COL19A1: variants seen among roughly 807,000 people sequenced by gnomAD.
COL19A1 encodes collagen alpha-1(XIX) chain.
A neutral mutation model predicts 190.2 loss-of-function variants in COL19A1; 159 were observed. That is an observed-to-expected ratio of 0.84 (90% CI 0.73 to 0.95). The LOEUF is 0.95. Ranked by LOEUF, COL19A1 falls within the 40% of genes least tolerant of loss-of-function variation. COL19A1 has a pLI of 0.00. For missense variants in COL19A1, 1,418 were observed against 1,431.9 expected, an observed-to-expected ratio of 0.99 and a Z score of 0.16; for synonymous variants, 509 against 458.9, an observed-to-expected ratio of 1.11 and a Z score of -1.39.
At chr6:70,080,934 T>C (rs905296568) in intron 15 of COL19A1, among the ~76,000 whole-genome samples, 9 of 152,202 alleles carry the variant, frequency 5.9e-5, no homozygotes, top group East Asian at 3.8e-4. Context: ...CAAGTGAATG[T>C]GGTGTGTTTC....
intron 48 of COL19A1, among the ~76,000 whole-genome samples, chr6:70,198,522 T>C (rs527837116): frequency 6.6e-6 from 1 of 152,172 alleles, no homozygotes; most frequent in South Asian, 2.1e-4. Flanking sequence ...ATCTAGTTGT[T>C]CATATATTAG....
intron 14 of COL19A1, among the ~76,000 whole-genome samples, chr6:70,064,762 G>A (rs901469659): frequency 2.0e-5 from 3 of 152,172 alleles, no homozygotes; most frequent in African/African-American, 7.2e-5. Context: ...CTTCAGCAAA[G>A]TCTCAGGATA....
chr6:70,084,242 T>G (rs1462484030), intron 15 of COL19A1, among the ~76,000 whole-genome samples: 1 of 152,068 alleles, frequency 6.6e-6, no homozygotes, highest in Non-Finnish European at 1.5e-5. Flanking sequence ...GATAACTAAC[T>G]TTAGGATCGA....
intron 4 of COL19A1, among the ~76,000 whole-genome samples, chr6:69,919,343 G>A (rs1395628899): frequency 6.6e-6 from 1 of 152,176 alleles, no homozygotes; most frequent in African/African-American, 2.4e-5. Flanking sequence ...TTCCAGACAG[G>A]AAGAAAGCTC....
intron 16 of COL19A1, among the ~76,000 whole-genome samples, chr6:70,103,288 G>A (rs973361385): frequency 6.6e-6 from 1 of 152,020 alleles, no homozygotes. Flanking sequence ...ACTGTCAACG[G>A]CCTTAGTTTA....
At chr6:70,198,269 A>T (rs1456341252) in intron 48 of COL19A1, among the ~76,000 whole-genome samples, 1 of 152,218 alleles carries the variant, frequency 6.6e-6, no homozygotes, top group Non-Finnish European at 1.5e-5. Flanking sequence ...TAATTTCCTC[A>T]GTAAAAAAAA....
chr6:70,106,445 T>A (rs1190574928), intron 16 of COL19A1, among the ~76,000 whole-genome samples: 1 of 152,080 alleles, frequency 6.6e-6, no homozygotes, highest in Non-Finnish European at 1.5e-5. Context: ...CTAACACTAG[T>A]TTTATTAAAC....
rs1030754585 is a variant in COL19A1 at position 70,210,355 on chromosome 6, T to C, written c.*3081T>C. Among the ~76,000 whole-genome samples the C allele has an allele frequency of 6.6e-6, 1 of 152,144 alleles. No individual in the cohort carries two copies. Among genetic ancestry groups the C allele is most frequent in the Non-Finnish European group, 1.5e-5 (1 of 67,994 alleles). On this transcript the variant is annotated 3_prime_UTR_variant, in exon 51 of 51. Coordinates refer to ENST00000620364, the MANE Select transcript of COL19A1 (RefSeq NM_001858.6). ...ATTCATGGATTTGTTCATTGTTCTTTCCAACTGAAGGCAGTAACCATTACT... is the reference window on the plus strand; with the variant it reads ...ATTCATGGATTTGTTCATTGTTCTTCCCAACTGAAGGCAGTAACCATTACT...
At chr6:70,023,716 A>G (rs1409187833) in intron 12 of COL19A1, 36 bp downstream of exon 12, 3 of 1,572,934 alleles carry the variant, frequency 1.9e-6, no homozygotes, top group African/African-American at 2.8e-5. Context: ...CTCTGTTTAC[A>G]TTTTACCACT....
In COL19A1 at chr6:70,144,933, A is replaced by G; in HGVS notation, c.1696A>G (p.Ile566Val). The G allele has an allele frequency of 6.3e-7, 1 of 1,580,970 alleles. No homozygotes were observed. The change falls in exon 25 of 51, where the codon ATC (isoleucine) becomes GTC (valine). Residue 566 changes from isoleucine to valine, a missense_variant. Coordinates refer to ENST00000620364, the MANE Select transcript of COL19A1 (RefSeq NM_001858.6). ...TTTTCTACAGGGAGATCCGGGTGGG[A>G]TCATAGGCCCTCCCGGGCTTCCAGG... is the stretch of plus-strand genomic sequence containing the variant. ...IKGEKGDPGG[I>V]IGPPGLPGPK... is the part of the protein sequence containing the mutation.
intron 15 of COL19A1, among the ~76,000 whole-genome samples, chr6:70,100,472 G>A (rs1185160986): frequency 6.6e-6 from 1 of 151,286 alleles, no homozygotes; most frequent in East Asian, 1.9e-4. Context: ...GCATGGTTTA[G>A]ATCTATAAAA....
chr6:70,096,715 C>T (rs1783298069), intron 15 of COL19A1, among the ~76,000 whole-genome samples: 1 of 152,138 alleles, frequency 6.6e-6, no homozygotes, highest in African/African-American at 2.4e-5. Flanking sequence ...ATAAGGTGCT[C>T]TACAGGATTG....
chr6:70,180,330 G>T lies in COL19A1; in HGVS notation c.2686G>T (p.Gly896Trp), dbSNP rs1044059765. 4.4e-5 allele frequency: 71 copies of T among 1,614,000 alleles called. No homozygotes were observed. Among genetic ancestry groups the T allele is most frequent in the Non-Finnish European group, 5.6e-5 (66 of 1,180,018 alleles). Residue 896 changes from glycine to tryptophan, a missense_variant, in exon 43 of 51, where the codon GGG (glycine) becomes TGG (tryptophan). Physicochemically the swap from Gly to Trp is radical, Grantham distance 184 (BLOSUM62 -2). Transcript: ENST00000620364. ...TTGCCAGGGAAAACCTGGTGCCCCA[G>T]GGCCTCCAGGAGTTCCAGGGGAACC... Reference protein sequence around the residue: ...AGMSGKPGAPGPPGVPGEPGE... With the variant: ...AGMSGKPGAPWPPGVPGEPGE...
At chr6:70,078,316 C>G (rs1178781176) in intron 15 of COL19A1, among the ~76,000 whole-genome samples, 1 of 152,180 alleles carries the variant, frequency 6.6e-6, no homozygotes, top group Non-Finnish European at 1.5e-5. Flanking sequence ...TCCCTAAAAG[C>G]AGAGCCTAAG....
chr6:70,157,673 T>G (rs939496274), intron 34 of COL19A1, among the ~76,000 whole-genome samples: 3 of 152,128 alleles, frequency 2.0e-5, no homozygotes, highest in Non-Finnish European at 4.4e-5. Context: ...ATTCAATATT[T>G]ATTTTCATCC....
chr6:70,054,775 A>C (rs1464134475), intron 14 of COL19A1, among the ~76,000 whole-genome samples: 1 of 152,180 alleles, frequency 6.6e-6, no homozygotes, highest in African/African-American at 2.4e-5. Context: ...TACTGTGACA[A>C]TGTAAATATC....
At chr6:70,069,348 A>G (rs925322710) in intron 15 of COL19A1, among the ~76,000 whole-genome samples, 2 of 152,118 alleles carry the variant, frequency 1.3e-5, no homozygotes. Context: ...TGCCTTCTGT[A>G]AAATAAGTCT....
At chr6:69,937,497 C>A (rs906796850) in intron 8 of COL19A1, among the ~76,000 whole-genome samples, 11 of 152,032 alleles carry the variant, frequency 7.2e-5, no homozygotes, top group African/African-American at 2.7e-4. Context: ...ATGTTAATGG[C>A]AGTAATAAAG....
At chr6:70,126,778 C>T (rs1345325212) in intron 17 of COL19A1, among the ~76,000 whole-genome samples, 1 of 152,196 alleles carries the variant, frequency 6.6e-6, no homozygotes, top group East Asian at 1.9e-4. Flanking sequence ...GTCAGGACCA[C>T]GTTATCTCCA....
Sources: gnomAD v4.1 joint callset for allele counts (sites outside exome capture counted in the v4.1 genomes callset) on GRCh38, gnomAD v4.1.1 for gene constraint, MANE v1.5 for transcripts, NCBI Gene and HGNC (gene_info 2026-07-23, HGNC 2026-07-21) for gene names.